The following CDC27 variants were observed in gnomAD, a reference collection of about 807,000 sequenced individuals.
CDC27 encodes cell division cycle protein 27 homolog.
In CDC27, 27 loss-of-function variants were observed where a neutral mutation model predicts 109.7. The observed-to-expected ratio is 0.25, with a 90% CI of 0.18 to 0.34. The LOEUF (loss-of-function observed/expected upper bound fraction) is 0.34. CDC27 is among the 10% of genes least tolerant of loss of function. CDC27 has a pLI of 1.00. For synonymous variants in CDC27, 266 were observed against 333.9 expected, an observed-to-expected ratio of 0.80 and a Z score of 2.22; for missense variants, 579 against 960.2, an observed-to-expected ratio of 0.60 and a Z score of 5.25.
chr17:47,181,625 GC>G lies in CDC27; in HGVS notation c.39del (p.Trp13CysfsTer4). On this transcript the variant is annotated frameshift_variant, in exon 2 of 19. Coordinates refer to ENST00000066544, the MANE Select transcript of CDC27 (RefSeq NM_001256.6). LOFTEE classifies it high-confidence loss of function. ...VLQEPVQAAIWQALNHYAYRD... is the reference protein window; with the variant it reads ...VLQEPVQAAIXQALNHYAYRD... Reference sequence around the variant, plus strand: ...CGGTAAGCATAGTGGTTTAGTGCTTGCCATATAGCAGCCTGCAAATGGAGGA... The same window carrying G: ...CGGTAAGCATAGTGGTTTAGTGCTTGCATATAGCAGCCTGCAAATGGAGGA... 6.2e-7 allele frequency: 1 copy of G among 1,600,646 alleles called. No individual in the cohort carries two copies. Among genetic ancestry groups the G allele is most frequent in the African/African-American group, 1.3e-5 (1 of 74,870 alleles).
At chr17:47,172,435 G>A (rs1159929252) in intron 2 of CDC27, among the ~76,000 whole-genome samples, 1 of 151,978 alleles carries the variant, frequency 6.6e-6, no homozygotes, top group Non-Finnish European at 1.5e-5. Flanking sequence ...GAGGATAGAA[G>A]TCAAATTTCA....
At chr17:47,158,620 ATTT>A (rs376030802) in intron 4 of CDC27, among the ~76,000 whole-genome samples, 5 of 140,796 alleles carry the variant, frequency 3.6e-5, no homozygotes, top group African/African-American at 5.2e-5. Context: ...ATTATTCTTA[ATTT>A]TTTTTTTTTT....
At chr17:47,142,177 A>C in intron 11 of CDC27, 52 bp downstream of exon 11, 2 of 1,230,348 alleles carry the variant, frequency 1.6e-6, no homozygotes, top group Non-Finnish European at 2.3e-6. Context: ...AAATTTACTT[A>C]AAATAAGTAC....
chr17:47,158,153 A>G, intron 5 of CDC27, 53 bp downstream of exon 5: 2 of 681,428 alleles, frequency 2.9e-6, no homozygotes, highest in Non-Finnish European at 4.7e-6. Flanking sequence ...AAGTAGCAGG[A>G]AAAAAAGAAG....
At chr17:47,152,233 A>C (rs1304145127) in intron 8 of CDC27, among the ~76,000 whole-genome samples, 2 of 152,060 alleles carry the variant, frequency 1.3e-5, no homozygotes, top group African/African-American at 4.8e-5. Flanking sequence ...TTTATTACAT[A>C]CCTTCTCTAT....
In CDC27 at chr17:47,172,025, T is replaced by C; in HGVS notation, c.143A>G (p.Tyr48Cys). Reference protein sequence around the residue: ...EEALFLLATCYYRSGKAYKAY... With the variant: ...EEALFLLATCCYRSGKAYKAY... ...TTTATATGCCTTTCCTGAGCGGTAA[T>C]AACAGGTTGCCAGTAAAAACAAGGC... Residue 48 changes from tyrosine (Y) to cysteine (C), a missense_variant, in exon 3 of 19, where the codon TAT becomes TGT. Physicochemically the swap from Tyr to Cys is radical, Grantham distance 194. Around this residue, in one of 9 missense-constraint regions of CDC27, gnomAD observed 44 missense variants for 102.2 expected, o/e 0.43. Transcript: ENST00000066544. 6.3e-7 allele frequency: 1 copy of C among 1,592,080 alleles called. No individual in the cohort carries two copies. Among genetic ancestry groups the C allele is most frequent in the Non-Finnish European group, 8.5e-7 (1 of 1,171,140 alleles).
At position 47,120,917 on chromosome 17, in the gene CDC27, A is replaced by G. The variant is rs754405109; in HGVS notation, c.*18T>C. 6.3e-7 allele frequency: 1 copy of G among 1,586,888 alleles called. No homozygotes were observed. The highest frequency in any genetic ancestry group is 1.7e-5 in the Admixed American group (1 of 59,744). ...GCACTAGTCACACATCCAGTTGTAA[A>G]AGTCTGATTTCCAGAAGTTAAAATT... On this transcript the variant is annotated 3_prime_UTR_variant, in exon 19 of 19. Coordinates refer to ENST00000066544, the MANE Select transcript of CDC27 (RefSeq NM_001256.6).
chr17:47,147,652 T>C (rs2063010945), intron 9 of CDC27, among the ~76,000 whole-genome samples: 1 of 151,738 alleles, frequency 6.6e-6, no homozygotes, highest in Non-Finnish European at 1.5e-5. Context: ...CCAGGACTGC[T>C]TCAGGCCCGG....
chr17:47,176,592 T>G (rs7502265), intron 2 of CDC27, among the ~76,000 whole-genome samples: 1 of 152,138 alleles, frequency 6.6e-6, no homozygotes, highest in Non-Finnish European at 1.5e-5. Context: ...GGCCAAATTG[T>G]GCAGGGCTTT....
chr17:47,157,369 G>A lies in CDC27; in HGVS notation c.491C>T (p.Pro164Leu). 6.2e-7 allele frequency: 1 copy of A among 1,608,140 alleles called. No homozygotes were observed. The highest frequency in any genetic ancestry group is 8.5e-7 in the Non-Finnish European group (1 of 1,178,388). The change falls in exon 6 of 19, where the codon CCT becomes CTT. Residue 164 changes from proline to leucine, a missense_variant. Pro to Leu is a moderately conservative substitution (Grantham distance 98, BLOSUM62 -3). This residue lies in a region of CDC27 where 12 missense variants were observed against 37.1 expected (regional missense o/e 0.32). Coordinates refer to ENST00000066544, the MANE Select transcript of CDC27 (RefSeq NM_001256.6). ...AGATGTGAATTTAAATGTTTGGTCA[G>A]GATCTGGCTTTTCACCTGTGAAGAC... ...SLCEIGEKPDPDQTFKFTSLQ... is the reference protein window; with the variant it reads ...SLCEIGEKPDLDQTFKFTSLQ...
At chr17:47,146,677 G>A (rs1192418110) in intron 9 of CDC27, among the ~76,000 whole-genome samples, 1 of 152,184 alleles carries the variant, frequency 6.6e-6, no homozygotes, top group Non-Finnish European at 1.5e-5. Flanking sequence ...GGTAAGACCT[G>A]AAGGGATCAA....
Position 47,129,477 on chromosome 17 carries a change from T to C in CDC27, c.2076A>G (p.Leu692=). The C allele has an allele frequency of 1.2e-6, 2 of 1,609,782 alleles. No individual in the cohort carries two copies. Among genetic ancestry groups the C allele is most frequent in the Non-Finnish European group, 1.7e-6 (2 of 1,176,334 alleles). ...LKKSEKALDT[L]NKAIVIDPKN... ...TGGGATCAATGACAATGGCTTTGTT[T>C]AGGGTATCCAAAGCCTTCTCTGATT... is the stretch of plus-strand genomic sequence containing the variant. The change falls in exon 16 of 19, where the codon CTA becomes CTG. Residue 692 remains leucine (L), a synonymous_variant. Coordinates refer to ENST00000066544, the MANE Select transcript of CDC27 (RefSeq NM_001256.6).
In CDC27 at chr17:47,160,053, C is replaced by G. The variant is rs2063451237; in HGVS notation, c.378-1750G>C. ...AGGTGGTAGGTCTTTTTCCTCCCCT[C>G]TCCCCTCAAGATCTGTTTGTGGAGG... On this transcript the variant is annotated intron_variant, in intron 4 of 18. Transcript: ENST00000066544. The G allele has an allele frequency of 1.4e-5, 3 of 208,104 alleles. No individual in the cohort carries two copies. In the Admixed American group the frequency reaches 1.8e-4, roughly 13 times the overall value. 12.9% of individuals were successfully genotyped at this position (208,104 alleles called of 1,614,324 possible).
chr17:47,125,090 T>C (rs534810291), intron 16 of CDC27, among the ~76,000 whole-genome samples: 2 of 151,632 alleles, frequency 1.3e-5, no homozygotes, highest in Non-Finnish European at 2.9e-5. Flanking sequence ...AATTTTGTTT[T>C]GTATTTTTAG....
At chr17:47,168,043 C>T (rs2063701536) in intron 4 of CDC27, among the ~76,000 whole-genome samples, 1 of 152,222 alleles carries the variant, frequency 6.6e-6, no homozygotes, top group African/African-American at 2.4e-5. Flanking sequence ...TCCATGGCCT[C>T]TCCAGGCAAG....
In CDC27 at chr17:47,189,275, G is replaced by A; in HGVS notation, c.-103C>T. ...TTTAAACTCACCAGCGACCGTTACC[G>A]GGGGATGGGGGAGGCCGAGCGATTG... On this transcript the variant is annotated 5_prime_UTR_variant, in exon 1 of 19. Transcript: ENST00000066544. The A allele has an allele frequency of 1.0e-5, 9 of 877,592 alleles. No homozygotes were observed. Among genetic ancestry groups the A allele is most frequent in the Non-Finnish European group, 1.7e-5 (9 of 527,516 alleles). 54.4% of individuals were successfully genotyped at this position (877,592 alleles called of 1,614,324 possible). A position where few individuals can be genotyped will look rare whatever the true frequency, so the allele number is the denominator to read the frequency against.
At chr17:47,157,435 A>G (rs2063351515) in intron 5 of CDC27, 51 bp from the exon 6 acceptor site, 1 of 1,442,140 alleles carries the variant, frequency 6.9e-7, no homozygotes, top group East Asian at 2.3e-5. Context: ...TGAGGAATAC[A>G]TGTTTTTCAA....
chr17:47,134,381 T>C (rs1159789570), intron 14 of CDC27, among the ~76,000 whole-genome samples: 1 of 151,384 alleles, frequency 6.6e-6, no homozygotes, highest in Non-Finnish European at 1.5e-5. Flanking sequence ...CATAGCTCAC[T>C]GCAGGTAACC....
intron 17 of CDC27, among the ~76,000 whole-genome samples, chr17:47,123,057 A>G (rs1004001093): frequency 1.3e-5 from 2 of 152,212 alleles, no homozygotes; most frequent in African/African-American, 4.8e-5. Flanking sequence ...CTTCCTACAG[A>G]TGAACTCATA....
Sources: allele counts gnomAD v4.1 joint callset (sites outside exome capture counted in the v4.1 genomes callset), GRCh38; gene constraint gnomAD v4.1.1; regional missense constraint gnomAD v4.1.1; transcripts MANE v1.5; gene names NCBI Gene and HGNC (gene_info 2026-07-23, HGNC 2026-07-21).